Variants in PTPRO observed in about 807,000 individuals in gnomAD.
PTPRO encodes receptor-type tyrosine-protein phosphatase O.
A neutral mutation model predicts 145.2 loss-of-function variants in PTPRO; 62 were observed. The ratio of observed to expected loss-of-function variants is 0.43; its 90% CI spans 0.35 to 0.53. The LOEUF is 0.53. PTPRO is among the 20% of genes least tolerant of loss of function. The pLI, the probability that PTPRO is intolerant of heterozygous loss-of-function variation, is 0.01. For synonymous variants in PTPRO, 565 were observed against 514.7 expected (o/e 1.10, Z -1.32); for missense variants, 1,345 against 1,482.7 (o/e 0.91, Z 1.53).
chr12:15,529,780 TTAATA>T (rs1942922262), intron 12 of PTPRO, among the ~76,000 whole-genome samples: 1 of 152,188 alleles, frequency 6.6e-6, no homozygotes, highest in Admixed American at 6.5e-5. Context: ...TACATAACAC[TTAATA>T]ATCACTTAAC....
chr12:15,502,674 T>A (rs1023690483), intron 5 of PTPRO, among the ~76,000 whole-genome samples: 7 of 152,194 alleles, frequency 4.6e-5, no homozygotes, highest in Admixed American at 4.6e-4. Flanking sequence ...TAACTCAGCA[T>A]CTGAGGTTCA....
intron 1 of PTPRO, among the ~76,000 whole-genome samples, chr12:15,443,309 G>T (rs1940818863): frequency 6.6e-6 from 1 of 152,000 alleles, no homozygotes; most frequent in South Asian, 2.1e-4. Context: ...AATGAAACTG[G>T]ATCCCATATA....
At chr12:15,515,992 GT>G (rs869246291) in intron 8 of PTPRO, among the ~76,000 whole-genome samples, 1 of 126,844 alleles carries the variant, frequency 7.9e-6, no homozygotes, top group African/African-American at 3.3e-5. Context: ...TTTTTGTTTT[GT>G]TTTTTTTTTT....
At chr12:15,366,084 G>A (rs1938351893) in intron 1 of PTPRO, among the ~76,000 whole-genome samples, 1 of 152,120 alleles carries the variant, frequency 6.6e-6, no homozygotes, top group East Asian at 1.9e-4. Context: ...ATAATAATGA[G>A]TAGGTCATGC....
chr12:15,504,951 G>A (rs1368967712), intron 6 of PTPRO, among the ~76,000 whole-genome samples: 1 of 152,164 alleles, frequency 6.6e-6, no homozygotes, highest in African/African-American at 2.4e-5. Flanking sequence ...AACCAAAAAT[G>A]TCACCTCTGG....
chr12:15,504,676 T>C (rs926007029), intron 6 of PTPRO, among the ~76,000 whole-genome samples: 4 of 152,196 alleles, frequency 2.6e-5, no homozygotes, highest in Non-Finnish European at 5.9e-5. Flanking sequence ...AAACTGACTA[T>C]GTTTACTGGA....
intron 2 of PTPRO, among the ~76,000 whole-genome samples, chr12:15,495,674 A>G (rs1942084384): frequency 6.6e-6 from 1 of 152,136 alleles, no homozygotes; most frequent in Admixed American, 6.5e-5. Context: ...AAAAGAATTC[A>G]GTCAGTGCTC....
At chr12:15,592,453 C>T (rs73297745) in intron 25 of PTPRO, among the ~76,000 whole-genome samples, 7,110 of 152,128 alleles carry the variant, frequency 0.047, 530 homozygotes, top group African/African-American at 0.16. Context: ...TTGCCTTGAC[C>T]CCACCATTCC....
At chr12:15,541,415 T>C (rs1399391294) in intron 12 of PTPRO, among the ~76,000 whole-genome samples, 1 of 152,214 alleles carries the variant, frequency 6.6e-6, no homozygotes, top group Non-Finnish European at 1.5e-5. Flanking sequence ...GTATTTTGAA[T>C]AGTAAGAGAC....
rs566300844 is a variant in PTPRO, at chr12:15,392,933, G to A, written c.75+70132G>A. Among the ~76,000 whole-genome samples, 236 of 152,120 alleles carry A rather than the reference G, an allele frequency of 1.6e-3. 1 individual carries two copies. The highest frequency in any genetic ancestry group is 8.7e-3 in the South Asian group (42 of 4,806). Reference sequence around the variant, plus strand: ...TTGTGAGGTAGATGCTCCCTGATGGGCATTAAAATGAGACACAAATGAACA... The same window carrying A: ...TTGTGAGGTAGATGCTCCCTGATGGACATTAAAATGAGACACAAATGAACA... On this transcript the variant is annotated intron_variant, in intron 1 of 26. Coordinates refer to ENST00000281171, the MANE Select transcript of PTPRO (RefSeq NM_030667.3).
chr12:15,394,434 A>T (rs1939280266), intron 1 of PTPRO, among the ~76,000 whole-genome samples: 1 of 152,104 alleles, frequency 6.6e-6, no homozygotes, highest in Admixed American at 6.6e-5. Flanking sequence ...CCAGAGGCTG[A>T]GTTGATCCAT....
chr12:15,349,762 G>A (rs1249949089), intron 1 of PTPRO, among the ~76,000 whole-genome samples: 1 of 152,072 alleles, frequency 6.6e-6, no homozygotes, highest in Non-Finnish European at 1.5e-5. Flanking sequence ...ACCATGGCAG[G>A]AACAGGGAAT....
intron 12 of PTPRO, among the ~76,000 whole-genome samples, chr12:15,530,000 A>C (rs1219978454): frequency 6.6e-6 from 1 of 152,210 alleles, no homozygotes; most frequent in Non-Finnish European, 1.5e-5. Flanking sequence ...AAAGACACAC[A>C]GGGACTGAAA....
intron 1 of PTPRO, among the ~76,000 whole-genome samples, chr12:15,356,127 T>C (rs531054447): frequency 6.6e-6 from 1 of 152,312 alleles, no homozygotes; most frequent in African/African-American, 2.4e-5. Context: ...GCAACTAAAA[T>C]AAAATTAAAT....
intron 1 of PTPRO, among the ~76,000 whole-genome samples, chr12:15,424,827 G>A (rs1182428721): frequency 6.6e-6 from 1 of 152,054 alleles, no homozygotes; most frequent in Non-Finnish European, 1.5e-5. Context: ...ACAGGTCAAC[G>A]TGGCCCAAGT....
At chr12:15,418,402 A>G (rs1328116507) in intron 1 of PTPRO, among the ~76,000 whole-genome samples, 2 of 151,754 alleles carry the variant, frequency 1.3e-5, no homozygotes, top group Non-Finnish European at 2.9e-5. Flanking sequence ...TGAAGTGCCT[A>G]GCTCAACTCT....
chr12:15,539,087 A>G (rs1277336469), intron 12 of PTPRO, among the ~76,000 whole-genome samples: 1 of 152,098 alleles, frequency 6.6e-6, no homozygotes, highest in Non-Finnish European at 1.5e-5. Context: ...GTAAAAGCAC[A>G]TGCTCCTGGA....
intron 12 of PTPRO, among the ~76,000 whole-genome samples, chr12:15,530,732 T>C (rs1164899296): frequency 6.6e-6 from 1 of 152,102 alleles, no homozygotes; most frequent in Non-Finnish European, 1.5e-5. Context: ...AAAGCCATAG[T>C]ATGAGGGAAT....
At chr12:15,529,590 C>A (rs1942915531) in intron 12 of PTPRO, among the ~76,000 whole-genome samples, 1 of 152,096 alleles carries the variant, frequency 6.6e-6, no homozygotes, top group Non-Finnish European at 1.5e-5. Flanking sequence ...CTGCAGTGAG[C>A]TGTGAGCTGT....
Sources: gnomAD v4.1 joint callset for allele counts (sites outside exome capture counted in the v4.1 genomes callset) on GRCh38, gnomAD v4.1.1 for gene constraint, MANE v1.5 for transcripts, NCBI Gene and HGNC (gene_info 2026-07-23, HGNC 2026-07-21) for gene names.